Variants in CERS3 observed in about 807,000 individuals in gnomAD.
CERS3 encodes LAG1 homolog, ceramide synthase 3.
A neutral mutation model predicts 50.3 loss-of-function variants in CERS3; 33 were observed. The ratio of observed to expected loss-of-function variants is 0.66; its 90% CI spans 0.50 to 0.88. The LOEUF (loss-of-function observed/expected upper bound fraction) is 0.88, where lower values mean the gene tolerates loss of function less well. Ranked by LOEUF, CERS3 falls within the 40% of genes least tolerant of loss-of-function variation. The probability of loss-of-function intolerance (pLI) is 0.00; values close to 1 mark genes in which losing one functional copy is unlikely to be tolerated. For synonymous variants in CERS3, 176 were observed against 155.2 expected (o/e 1.13, Z -0.99); for missense variants, 470 against 460.3 (o/e 1.02, Z -0.19).
intron 3 of CERS3, among the ~76,000 whole-genome samples, chr15:100,494,046 AT>A (rs1168466344): frequency 6.6e-6 from 1 of 151,566 alleles, no homozygotes; most frequent in East Asian, 1.9e-4. Flanking sequence ...ATAGTGCATA[AT>A]TTTTTGTTTC....
chr15:100,499,611 A>G (rs1041072459), intron 3 of CERS3, among the ~76,000 whole-genome samples: 1 of 152,254 alleles, frequency 6.6e-6, no homozygotes, highest in Non-Finnish European at 1.5e-5. Flanking sequence ...ACTTCATAGA[A>G]TGAGAAGATG....
intron 1 of CERS3, among the ~76,000 whole-genome samples, chr15:100,525,918 A>G (rs1314291715): frequency 6.6e-6 from 1 of 152,208 alleles, no homozygotes; most frequent in Non-Finnish European, 1.5e-5. Flanking sequence ...TTTTTCAATC[A>G]TCCTGGGTCC....
At chr15:100,412,307 A>G (rs1803936319) in intron 11 of CERS3, among the ~76,000 whole-genome samples, 1 of 152,130 alleles carries the variant, frequency 6.6e-6, no homozygotes, top group African/African-American at 2.4e-5. Flanking sequence ...TCCCAGCACC[A>G]TTTGTCGAAA....
intron 10 of CERS3, among the ~76,000 whole-genome samples, chr15:100,458,801 A>G (rs1212248737): frequency 6.6e-6 from 1 of 152,194 alleles, no homozygotes; most frequent in Non-Finnish European, 1.5e-5. Context: ...GCTTTTATGT[A>G]ACGAGGTGAT....
At chr15:100,413,629 T>C (rs1406944057) in intron 11 of CERS3, among the ~76,000 whole-genome samples, 1 of 152,012 alleles carries the variant, frequency 6.6e-6, no homozygotes, top group African/African-American at 2.4e-5. Context: ...TGCATTAACC[T>C]AGTAAATATT....
intron 10 of CERS3, among the ~76,000 whole-genome samples, chr15:100,460,238 C>G (rs977833503): frequency 6.6e-6 from 1 of 152,032 alleles, no homozygotes; most frequent in African/African-American, 2.4e-5. Flanking sequence ...ACTTAGATAC[C>G]ATGTCACTTA....
At chr15:100,476,569 C>G (rs1337318059) in intron 7 of CERS3, among the ~76,000 whole-genome samples, 3 of 152,150 alleles carry the variant, frequency 2.0e-5, no homozygotes, top group Non-Finnish European at 2.9e-5. Context: ...GAATATTACT[C>G]AAAATCTGAT....
intron 10 of CERS3, among the ~76,000 whole-genome samples, chr15:100,463,435 GAAAA>G (rs71151951): frequency 2.2e-5 from 2 of 92,648 alleles, no homozygotes; most frequent in African/African-American, 8.8e-5. Context: ...CTCTGTCTCA[GAAAA>G]AAAAAAAAAA....
intron 10 of CERS3, among the ~76,000 whole-genome samples, chr15:100,459,384 C>T (rs371765313): frequency 7.2e-5 from 11 of 152,180 alleles, no homozygotes; most frequent in African/African-American, 2.7e-4. Context: ...TAGCCTCTAC[C>T]TCCCAGGCTC....
intron 8 of CERS3, 43 bp downstream of exon 8, chr15:100,476,043 T>C: frequency 7.2e-7 from 1 of 1,392,962 alleles, no homozygotes; most frequent in Non-Finnish European, 9.7e-7. Flanking sequence ...GATGGCAATT[T>C]TTGAAGAAAT....
chr15:100,534,034 CT>C (rs956162301), intron 1 of CERS3, among the ~76,000 whole-genome samples: 3 of 152,208 alleles, frequency 2.0e-5, no homozygotes, highest in Non-Finnish European at 4.4e-5. Flanking sequence ...GGCTGCAGTG[CT>C]GTATGCAGGC....
chr15:100,481,596 C>T (rs377267480), intron 5 of CERS3, among the ~76,000 whole-genome samples: 3 of 152,376 alleles, frequency 2.0e-5, no homozygotes, highest in Admixed American at 6.5e-5. Flanking sequence ...CACGGTGCTG[C>T]GCACACATGC....
intron 3 of CERS3, among the ~76,000 whole-genome samples, chr15:100,492,702 C>T (rs2035689500): frequency 6.6e-6 from 1 of 152,028 alleles, no homozygotes; most frequent in Non-Finnish European, 1.5e-5. Flanking sequence ...AAAGTAATTC[C>T]TGATAAAATA....
At chr15:100,456,236 A>G (rs1261505944) in intron 10 of CERS3, among the ~76,000 whole-genome samples, 190 bp from the exon 11 acceptor site, 1 of 152,250 alleles carries the variant, frequency 6.6e-6, no homozygotes, top group Admixed American at 6.5e-5. Flanking sequence ...CAAAAAAAGT[A>G]CAATCTGTCT....
At chr15:100,457,227 G>A (rs752486379) in intron 10 of CERS3, among the ~76,000 whole-genome samples, 11 of 151,472 alleles carry the variant, frequency 7.3e-5, no homozygotes, top group Non-Finnish European at 1.0e-4. Context: ...CTGTTTTTTG[G>A]TATATTGTTC....
chr15:100,497,852 TACACAC>T (rs57343426), intron 3 of CERS3, among the ~76,000 whole-genome samples: 20,410 of 108,348 alleles, frequency 0.19, 2,335 homozygotes, highest in East Asian at 0.29. Flanking sequence ...ACCTATCTCT[TACACAC>T]ACACACACAC....
chr15:100,406,939 G>C (rs780080605), intron 11 of CERS3, among the ~76,000 whole-genome samples: 1 of 152,070 alleles, frequency 6.6e-6, no homozygotes, highest in East Asian at 1.9e-4. Flanking sequence ...AGCGGGCAAA[G>C]AGAGAGAGAG....
intron 11 of CERS3, among the ~76,000 whole-genome samples, chr15:100,443,508 A>C (rs972278313): frequency 1.3e-3 from 194 of 145,222 alleles, no homozygotes; most frequent in East Asian, 4.7e-3. Context: ...TCAATACCTC[A>C]CTCCATAATC....
intron 10 of CERS3, among the ~76,000 whole-genome samples, chr15:100,461,323 C>G (rs1021114237): frequency 5.3e-5 from 8 of 152,068 alleles, no homozygotes; most frequent in Non-Finnish European, 1.2e-4. Context: ...CTGTATAGCC[C>G]TCAGAATGAA....
Sources: allele counts gnomAD v4.1 joint callset (sites outside exome capture counted in the v4.1 genomes callset), GRCh38; gene constraint gnomAD v4.1.1; transcripts MANE v1.5; gene names NCBI Gene and HGNC (gene_info 2026-07-23, HGNC 2026-07-21).